The following LRRC37A2 variants were observed in gnomAD, a reference collection of about 807,000 sequenced individuals.
LRRC37A2 encodes the protein leucine rich repeat containing 37 member A2.
Under a neutral mutation model 68.8 loss-of-function variants are expected in LRRC37A2, and 9 were observed. The observed-to-expected ratio is 0.13, with a 90% CI of 0.08 to 0.23. The LOEUF (loss-of-function observed/expected upper bound fraction) is 0.23. Ranked by LOEUF, LRRC37A2 falls within the 10% of genes least tolerant of loss-of-function variation. The pLI is 1.00. For synonymous variants in LRRC37A2, 63 were observed against 367.6 expected (o/e 0.17, Z 9.48); for missense variants, 168 against 950.4 (o/e 0.18, Z 10.82).
At chr17:46,883,691 C>T in the LRRC37A2 span, among the ~76,000 whole-genome samples, 3 of 152,160 alleles carry the variant, frequency 2.0e-5, no homozygotes, top group Admixed American at 1.3e-4. Context: ...TGCCTCTTCC[C>T]GGGGAGTGCT....
At chr17:46,872,626 C>A in the LRRC37A2 span, 2 of 1,613,362 alleles carry the variant, frequency 1.2e-6, no homozygotes, top group Non-Finnish European at 1.7e-6. Context: ...GCTGTCCCGG[C>A]GGCAGAAGCA....
the LRRC37A2 span, among the ~76,000 whole-genome samples, chr17:46,736,244 C>T: frequency 6.6e-6 from 1 of 152,190 alleles, no homozygotes; most frequent in African/African-American, 2.4e-5. Context: ...ACAGGAATTG[C>T]CAAGATCAGT....
At chr17:46,717,027 A>C in the LRRC37A2 span, among the ~76,000 whole-genome samples, 3 of 152,184 alleles carry the variant, frequency 2.0e-5, no homozygotes, top group Non-Finnish European at 4.4e-5. Context: ...TATATATCAA[A>C]GAGTTATCTA....
At chr17:46,534,621 T>C (rs559675189) in intron 6 of LRRC37A2, among the ~76,000 whole-genome samples, 4 of 148,528 alleles carry the variant, frequency 2.7e-5, no homozygotes, top group African/African-American at 7.8e-5. Flanking sequence ...AGCAACAATC[T>C]GATTTCTGTA....
the LRRC37A2 span, among the ~76,000 whole-genome samples, chr17:46,820,691 A>T: frequency 6.6e-6 from 1 of 152,154 alleles, no homozygotes; most frequent in Non-Finnish European, 1.5e-5. Context: ...AGGCTCTGGC[A>T]GTGGAGAGCT....
At chr17:46,472,828 T>C in the LRRC37A2 span, among the ~76,000 whole-genome samples, 5 of 36,844 alleles carry the variant, frequency 1.4e-4, no homozygotes, top group African/African-American at 5.6e-4. Flanking sequence ...GGCAGGAGAA[T>C]GGCGTGAACC....
At chr17:46,802,469 T>C in the LRRC37A2 span, among the ~76,000 whole-genome samples, 1 of 152,116 alleles carries the variant, frequency 6.6e-6, no homozygotes, top group South Asian at 2.1e-4. Flanking sequence ...GGTTTCACCA[T>C]GTTGGTCAGG....
chr17:47,000,071 AAATAAAAAAT>A, the LRRC37A2 span, among the ~76,000 whole-genome samples: 1,641 of 67,262 alleles, frequency 0.024, 238 homozygotes, highest in African/African-American at 0.05. Context: ...AATTAAAATA[AAATAAAAAAT>A]AAAATAAAAT....
chr17:46,834,960 GC>G, the LRRC37A2 span, among the ~76,000 whole-genome samples: 2 of 152,028 alleles, frequency 1.3e-5, no homozygotes, highest in Non-Finnish European at 2.9e-5. Flanking sequence ...CCCTAGATTG[GC>G]CCTCAGTCTC....
chr17:46,907,223 C>T, the LRRC37A2 span, among the ~76,000 whole-genome samples: 4 of 152,202 alleles, frequency 2.6e-5, no homozygotes, highest in African/African-American at 9.7e-5. Flanking sequence ...CTTTCTGATG[C>T]CTCTATGAGC....
chr17:46,955,150 G>T, the LRRC37A2 span, among the ~76,000 whole-genome samples: 2 of 151,988 alleles, frequency 1.3e-5, no homozygotes, highest in Non-Finnish European at 2.9e-5. Context: ...TTGGCTGTGG[G>T]TTTGTCATAG....
At chr17:46,953,004 C>G in the LRRC37A2 span, among the ~76,000 whole-genome samples, 1 of 152,026 alleles carries the variant, frequency 6.6e-6, no homozygotes, top group Non-Finnish European at 1.5e-5. Context: ...CTGAGCCCCC[C>G]AAATTCTTTT....
the LRRC37A2 span, chr17:46,409,265 A>G: frequency 6.4e-6 from 3 of 472,040 alleles, no homozygotes; most frequent in Non-Finnish European, 1.1e-5. Context: ...AGTATTATAT[A>G]AGGAATTTAA....
At chr17:46,551,268 G>C (rs1411717513) in intron 11 of LRRC37A2, among the ~76,000 whole-genome samples, 3 of 149,586 alleles carry the variant, frequency 2.0e-5, no homozygotes, top group Non-Finnish European at 2.9e-5. Context: ...CCTGGAGCTT[G>C]CCTCTGTCTT....
chr17:46,725,993 A>G, the LRRC37A2 span, among the ~76,000 whole-genome samples: 1 of 152,160 alleles, frequency 6.6e-6, no homozygotes, highest in Non-Finnish European at 1.5e-5. Flanking sequence ...TTTCTTGACC[A>G]TCTTAAGACA....
chr17:46,942,235 T>A, the LRRC37A2 span, among the ~76,000 whole-genome samples: 1 of 152,206 alleles, frequency 6.6e-6, no homozygotes, highest in Non-Finnish European at 1.5e-5. Flanking sequence ...TGTTACTGTC[T>A]CAACCGGGGG....
chr17:46,704,900 A>G, the LRRC37A2 span: 1 of 1,563,268 alleles, frequency 6.4e-7, no homozygotes, highest in South Asian at 1.2e-5. Flanking sequence ...AGTAATGATA[A>G]TAATAACTCA....
the LRRC37A2 span, among the ~76,000 whole-genome samples, chr17:46,994,078 A>G: frequency 6.6e-6 from 1 of 152,214 alleles, no homozygotes; most frequent in Non-Finnish European, 1.5e-5. Flanking sequence ...AATCACCTGC[A>G]CTGATTTACA....
At chr17:46,799,111 G>A in the LRRC37A2 span, among the ~76,000 whole-genome samples, 1 of 150,910 alleles carries the variant, frequency 6.6e-6, no homozygotes, top group Non-Finnish European at 1.5e-5. Context: ...CCCTTCCTGA[G>A]AACTGGAGGC....
Sources: gnomAD v4.1 joint callset for allele counts (sites outside exome capture counted in the v4.1 genomes callset) on GRCh38, gnomAD v4.1.1 for gene constraint, MANE v1.5 for transcripts, NCBI Gene and HGNC (gene_info 2026-07-23, HGNC 2026-07-21) for gene names.